XIRP2: variants seen among roughly 807,000 people sequenced by gnomAD.
XIRP2 encodes the protein xin actin binding repeat containing 2, also known as xin actin-binding repeat-containing protein 2.
Under a neutral mutation model 277.0 loss-of-function variants are expected in XIRP2, and 236 were observed. The ratio of observed to expected loss-of-function variants is 0.85; its 90% CI spans 0.77 to 0.95. XIRP2 has a LOEUF of 0.95. Among genes scored for constraint, XIRP2 ranks in the 40% least tolerant of loss-of-function variants. The pLI is 0.00. For synonymous variants in XIRP2, 1,490 were observed against 1,416.5 expected (o/e 1.05, Z -1.17); for missense variants, 4,640 against 4,157.5 (o/e 1.12, Z -3.19).
intron 3 of XIRP2, among the ~76,000 whole-genome samples, chr2:167,148,582 T>G (rs1008512024): frequency 6.6e-6 from 1 of 151,830 alleles, no homozygotes; most frequent in Non-Finnish European, 1.5e-5. Context: ...ATAGCTGAAA[T>G]AATTCTAAGT....
intron 3 of XIRP2, 59 bp downstream of exon 3, chr2:167,136,121 TAATA>T (rs926816759): frequency 3.5e-6 from 5 of 1,427,032 alleles, no homozygotes; most frequent in African/African-American, 2.9e-5. Context: ...CATGAGTGGT[TAATA>T]AATAAAATAT....
chr2:167,257,835 G>A, intron 10 of XIRP2, 22 bp from the exon 11 acceptor site: 2 of 1,571,416 alleles, frequency 1.3e-6, no homozygotes, highest in Non-Finnish European at 1.7e-6. Context: ...GAACTGCTAA[G>A]TGTTCTTTTT....
At chr2:166,923,697 G>A (rs974591497) in intron 2 of XIRP2, among the ~76,000 whole-genome samples, 1 of 152,052 alleles carries the variant, frequency 6.6e-6, no homozygotes, top group Non-Finnish European at 1.5e-5. Context: ...AATACTTGCA[G>A]TTTCAAGGAG....
At chr2:167,219,067 C>T (rs1044427918) in intron 5 of XIRP2, among the ~76,000 whole-genome samples, 2 of 151,466 alleles carry the variant, frequency 1.3e-5, no homozygotes, top group Non-Finnish European at 2.9e-5. Context: ...TTTTAATCCC[C>T]GGGACATATA....
intron 2 of XIRP2, among the ~76,000 whole-genome samples, chr2:166,944,717 A>G (rs1290030896): frequency 6.6e-6 from 1 of 152,160 alleles, no homozygotes; most frequent in Non-Finnish European, 1.5e-5. Context: ...TTTATGTTTT[A>G]ACTCATTTTA....
At chr2:167,207,680 A>G (rs16853215) in intron 3 of XIRP2, among the ~76,000 whole-genome samples, 6,401 of 152,274 alleles carry the variant, frequency 0.042, 252 homozygotes, top group African/African-American at 0.098. Flanking sequence ...TTGAGGCTTG[A>G]GAAAAAAAGA....
intron 3 of XIRP2, among the ~76,000 whole-genome samples, chr2:167,148,107 C>T (rs1001990054): frequency 1.3e-5 from 2 of 152,000 alleles, no homozygotes; most frequent in East Asian, 1.9e-4. Context: ...AGAGGCTGGG[C>T]ACGGTGGCTC....
At chr2:166,896,788 A>G (rs1368414938) in intron 1 of XIRP2, among the ~76,000 whole-genome samples, 1 of 152,168 alleles carries the variant, frequency 6.6e-6, no homozygotes, top group African/African-American at 2.4e-5. Flanking sequence ...TGACTAACCC[A>G]GAGCAACTTC....
rs140440326 is a variant in XIRP2 at position 167,213,175 on chromosome 2, A to T, written c.723+2280A>T. 4.3e-3 allele frequency among the ~76,000 whole-genome samples: 649 copies of T among 152,228 alleles called. 2 individuals carry two copies. Among genetic ancestry groups the T allele is most frequent in the African/African-American group, 0.014 (599 of 41,540 alleles). On this transcript the variant is annotated intron_variant, in intron 4 of 10. Coordinates refer to ENST00000409195, the MANE Select transcript of XIRP2 (RefSeq NM_152381.6). ...GTGGTGGTCTATAGAAGCCCCCTAA[A>T]AGAGAGGGAGAAGTAACACTTGTTG...
intron 2 of XIRP2, among the ~76,000 whole-genome samples, chr2:166,922,782 A>G (rs2105359320): frequency 6.6e-6 from 1 of 151,676 alleles, no homozygotes; most frequent in Admixed American, 6.6e-5. Flanking sequence ...TAAGCAAACT[A>G]GAAATCCAGT....
chr2:166,922,016 T>A (rs1221106196), intron 2 of XIRP2, among the ~76,000 whole-genome samples: 1 of 152,144 alleles, frequency 6.6e-6, no homozygotes, highest in East Asian at 1.9e-4. Flanking sequence ...TTAATGCTTC[T>A]TTCATTGGCC....
At chr2:167,107,727 A>G (rs945159752) in intron 2 of XIRP2, among the ~76,000 whole-genome samples, 4 of 151,604 alleles carry the variant, frequency 2.6e-5, no homozygotes, top group African/African-American at 9.7e-5. Context: ...TGATTTTGGT[A>G]TCAATGGAAT....
intron 2 of XIRP2, among the ~76,000 whole-genome samples, chr2:167,005,298 G>A (rs1687477705): frequency 6.6e-6 from 1 of 151,830 alleles, no homozygotes; most frequent in South Asian, 2.1e-4. Context: ...GACTATATTA[G>A]CCTAGGACAT....
chr2:167,069,299 C>G (rs932789589), intron 2 of XIRP2, among the ~76,000 whole-genome samples: 17 of 152,108 alleles, frequency 1.1e-4, no homozygotes, highest in Admixed American at 2.6e-4. Context: ...GTTGAATTCA[C>G]TAATGCAGAA....
rs112380720 is a variant in XIRP2 at position 167,215,629 on chromosome 2, G to A, written c.724-2537G>A. On this transcript the variant is annotated intron_variant, in intron 4 of 10. Coordinates refer to ENST00000409195, the MANE Select transcript of XIRP2 (RefSeq NM_152381.6). ...TCCTGGGTCCCCAGTTACTTTCAAG[G>A]TCTTAAGGCTTTGAGGGTTATGTCA... Among the ~76,000 whole-genome samples, 141 of 152,232 alleles carry A rather than the reference G, an allele frequency of 9.3e-4. 1 individual carries two copies. The highest frequency in any genetic ancestry group is 3.2e-3 in the African/African-American group (131 of 41,550).
chr2:167,015,681 A>G (rs190525155), intron 2 of XIRP2, among the ~76,000 whole-genome samples: 283 of 151,896 alleles, frequency 1.9e-3, no homozygotes, highest in African/African-American at 6.5e-3. Context: ...TAAATATATC[A>G]ACAAGAAATG....
At chr2:167,256,302 C>T (rs1389190508) in intron 10 of XIRP2, among the ~76,000 whole-genome samples, 1 of 151,306 alleles carries the variant, frequency 6.6e-6, no homozygotes, top group Non-Finnish European at 1.5e-5. Flanking sequence ...AAATTCTTTT[C>T]ATATTTATTT....
chr2:167,118,121 G>A (rs959250548), intron 2 of XIRP2, among the ~76,000 whole-genome samples: 10 of 152,086 alleles, frequency 6.6e-5, no homozygotes, highest in Non-Finnish European at 1.2e-4. Context: ...AGTCTTGAGA[G>A]GTGTGGCCTT....
At chr2:167,211,156 GT>G (rs1465669404) in intron 4 of XIRP2, among the ~76,000 whole-genome samples, 1 of 152,082 alleles carries the variant, frequency 6.6e-6, no homozygotes, top group Non-Finnish European at 1.5e-5. Context: ...CCAGGCTGGA[GT>G]GCAATGGCAC....
Sources: gnomAD v4.1 joint callset for allele counts (sites outside exome capture counted in the v4.1 genomes callset) on GRCh38, gnomAD v4.1.1 for gene constraint, MANE v1.5 for transcripts, NCBI Gene and HGNC (gene_info 2026-07-23, HGNC 2026-07-21) for gene names.